The following KCNQ5 variants were observed in gnomAD, a reference collection of about 807,000 sequenced individuals.
The protein encoded by KCNQ5 is potassium voltage-gated channel subfamily Q member 5.
In KCNQ5, 30 loss-of-function variants were observed where a neutral mutation model predicts 98.2. The ratio of observed to expected loss-of-function variants is 0.31; its 90% CI spans 0.23 to 0.41. KCNQ5 has a LOEUF of 0.41. Ranked by LOEUF, KCNQ5 falls within the 10% of genes least tolerant of loss-of-function variation. KCNQ5 has a pLI of 1.00. For synonymous variants in KCNQ5, 458 were observed against 449.4 expected, an observed-to-expected ratio of 1.02 and a Z score of -0.24; for missense variants, 835 against 1,182.5, an observed-to-expected ratio of 0.71 and a Z score of 4.31.
At chr6:72,935,369 C>T (rs915363765) in intron 1 of KCNQ5, among the ~76,000 whole-genome samples, 9 of 152,156 alleles carry the variant, frequency 5.9e-5, no homozygotes, top group Non-Finnish European at 8.8e-5. Flanking sequence ...CCTCAACCAA[C>T]CAGCGTTGTC....
intron 13 of KCNQ5, among the ~76,000 whole-genome samples, chr6:73,193,820 G>A (rs963839816): frequency 1.3e-5 from 2 of 148,708 alleles, no homozygotes; most frequent in Non-Finnish European, 3.0e-5. Flanking sequence ...AAGACAATCT[G>A]ACAGGAATGG....
chr6:72,974,120 G>T (rs530833828), intron 1 of KCNQ5, among the ~76,000 whole-genome samples: 17 of 152,230 alleles, frequency 1.1e-4, no homozygotes, highest in Non-Finnish European at 2.1e-4. Context: ...ACTCTAAACC[G>T]AGGGTTAGTA....
At chr6:73,064,171 CT>C (rs1772947933) in intron 3 of KCNQ5, among the ~76,000 whole-genome samples, 1 of 152,150 alleles carries the variant, frequency 6.6e-6, no homozygotes, top group South Asian at 2.1e-4. Flanking sequence ...CTTTCAAAAA[CT>C]TTTAGCAGTA....
At position 72,623,280 on chromosome 6, in the gene KCNQ5, A is replaced by G. The variant is rs957119031; in HGVS notation, c.398+693A>G. 2.7e-4 allele frequency among the ~76,000 whole-genome samples: 41 copies of G among 152,016 alleles called. 1 individual carries two copies. Among genetic ancestry groups the G allele is most frequent in the Admixed American group, 2.3e-3 (35 of 15,260 alleles). On this transcript the variant is annotated intron_variant, in intron 1 of 13. Coordinates refer to ENST00000370398, the MANE Select transcript of KCNQ5 (RefSeq NM_019842.4). ...GCAGGGGGCGGGGAGGCAGCGGGGA[A>G]CCTGGGGCGCAGGAACGCGGGCGGA...
At chr6:73,023,313 A>T (rs141837560) in intron 2 of KCNQ5, among the ~76,000 whole-genome samples, 1 of 152,252 alleles carries the variant, frequency 6.6e-6, no homozygotes, top group South Asian at 2.1e-4. Flanking sequence ...GTGTTCGACA[A>T]TTTCAGAGGA....
At chr6:73,117,900 G>A (rs1252221959) in intron 7 of KCNQ5, among the ~76,000 whole-genome samples, 1 of 152,182 alleles carries the variant, frequency 6.6e-6, no homozygotes, top group Non-Finnish European at 1.5e-5. Context: ...TATATAAGAT[G>A]TCAAGATACT....
intron 7 of KCNQ5, among the ~76,000 whole-genome samples, chr6:73,117,756 G>A (rs1387744654): frequency 1.3e-5 from 2 of 152,156 alleles, no homozygotes; most frequent in African/African-American, 2.4e-5. Flanking sequence ...GGATCTCTGG[G>A]CATCACTACT....
At chr6:73,105,848 A>AT (rs1332304149) in intron 6 of KCNQ5, among the ~76,000 whole-genome samples, 2 of 152,088 alleles carry the variant, frequency 1.3e-5, no homozygotes, top group Non-Finnish European at 2.9e-5. Flanking sequence ...ATCATCATTG[A>AT]TTTTTTTAAT....
Position 73,048,014 on chromosome 6 carries a change from A to G in KCNQ5, c.616+5952A>G, listed in dbSNP as rs573474052. ...ATTTATACAATTTCTACCATGTCCAAGCATGCTTATGGATGCTGGAGAGGC... is the reference window on the plus strand; with the variant it reads ...ATTTATACAATTTCTACCATGTCCAGGCATGCTTATGGATGCTGGAGAGGC... On this transcript the variant is annotated intron_variant, in intron 3 of 13. Coordinates refer to ENST00000370398, the MANE Select transcript of KCNQ5 (RefSeq NM_019842.4). Among the ~76,000 whole-genome samples the G allele has an allele frequency of 5.3e-5, 8 of 152,344 alleles. No homozygotes were observed. In the South Asian group the frequency reaches 1.7e-3, roughly 32 times the overall value.
intron 10 of KCNQ5, among the ~76,000 whole-genome samples, chr6:73,160,873 T>C (rs1161487744): frequency 1.2e-5 from 1 of 81,354 alleles, no homozygotes; most frequent in Non-Finnish European, 2.2e-5. Flanking sequence ...TCCTCATTAT[T>C]GGGATTTTTT....
At chr6:72,763,951 T>C (rs771178197) in intron 1 of KCNQ5, among the ~76,000 whole-genome samples, 3 of 151,958 alleles carry the variant, frequency 2.0e-5, no homozygotes, top group Admixed American at 6.6e-5. Flanking sequence ...AGAACACTAA[T>C]GAAAACAACT....
At chr6:72,748,178 G>GTTGT (rs199719909) in intron 1 of KCNQ5, among the ~76,000 whole-genome samples, 13 of 152,182 alleles carry the variant, frequency 8.5e-5, no homozygotes, top group Admixed American at 2.0e-4. Flanking sequence ...ATGTGTGATA[G>GTTGT]TTGTTTGTTT....
At chr6:72,746,064 CAAAAAAAAA>C (rs59726566) in intron 1 of KCNQ5, among the ~76,000 whole-genome samples, 9 of 80,148 alleles carry the variant, frequency 1.1e-4, no homozygotes, top group African/African-American at 2.8e-4. Context: ...ACTCTATTTG[CAAAAAAAAA>C]AAAAAAAAAA....
At chr6:72,682,913 G>A (rs966561302) in intron 1 of KCNQ5, among the ~76,000 whole-genome samples, 9 of 152,070 alleles carry the variant, frequency 5.9e-5, no homozygotes, top group South Asian at 4.2e-4. Context: ...GCCTCTTTAC[G>A]TTTTTATGTT....
intron 3 of KCNQ5, among the ~76,000 whole-genome samples, chr6:73,071,527 C>A (rs113402721): frequency 0.022 from 3,318 of 152,278 alleles, 65 homozygotes; most frequent in African/African-American, 0.057. Flanking sequence ...ATGTGGCTCA[C>A]AGTTCTGCAG....
Position 73,195,521 on chromosome 6 carries a change from A to G in KCNQ5, c.*107A>G, listed in dbSNP as rs1765762853. Reference sequence around the variant, plus strand: ...AGTTGAAATTGCAAGAATCGGGAAGAACATGAAAGGCAGTTTATAAGCCCG... The same window carrying G: ...AGTTGAAATTGCAAGAATCGGGAAGGACATGAAAGGCAGTTTATAAGCCCG... On this transcript the variant is annotated 3_prime_UTR_variant, in exon 14 of 14. Transcript: ENST00000370398. 7.2e-7 allele frequency: 1 copy of G among 1,383,192 alleles called. No individual in the cohort carries two copies. The highest frequency in any genetic ancestry group is 2.3e-5 in the East Asian group (1 of 43,430). 85.7% of individuals were successfully genotyped at this position (1,383,192 alleles called of 1,614,324 possible). A position where few individuals can be genotyped will look rare whatever the true frequency, so the allele number is the denominator to read the frequency against.
chr6:72,662,906 A>G (rs1478365726), intron 1 of KCNQ5, among the ~76,000 whole-genome samples: 4 of 152,376 alleles, frequency 2.6e-5, no homozygotes, highest in East Asian at 3.8e-4. Flanking sequence ...ACTACTTTCT[A>G]TGCATATCAG....
chr6:72,901,391 C>T (rs1779501183), intron 1 of KCNQ5, among the ~76,000 whole-genome samples: 2 of 152,034 alleles, frequency 1.3e-5, no homozygotes, highest in African/African-American at 2.4e-5. Flanking sequence ...ATTGCATTTG[C>T]TTTTGGCTTC....
chr6:73,066,568 C>A lies in KCNQ5; in HGVS notation c.617-10754C>A, dbSNP rs544067322. Among the ~76,000 whole-genome samples the A allele has an allele frequency of 3.9e-5, 6 of 152,252 alleles. No homozygotes were observed. The East Asian group carries it at 1.2e-3, about 29-fold the overall frequency. On this transcript the variant is annotated intron_variant, in intron 3 of 13. Coordinates refer to ENST00000370398, the MANE Select transcript of KCNQ5 (RefSeq NM_019842.4). Reference sequence around the variant, plus strand: ...AATTTGAGAAAAGTCATATCCAAAACACTCCTTCTGATGCTTCCTCGTTCA... The same window carrying A: ...AATTTGAGAAAAGTCATATCCAAAAAACTCCTTCTGATGCTTCCTCGTTCA...
Sources: allele counts gnomAD v4.1 joint callset (sites outside exome capture counted in the v4.1 genomes callset), GRCh38; gene constraint gnomAD v4.1.1; transcripts MANE v1.5; gene names NCBI Gene and HGNC (gene_info 2026-07-23, HGNC 2026-07-21).